DSG1: variants seen among roughly 807,000 people sequenced by gnomAD.
DSG1 encodes the protein desmoglein 1, also known as desmoglein-1.
A neutral mutation model predicts 97.5 loss-of-function variants in DSG1; 39 were observed. That is an observed-to-expected ratio of 0.40 (90% CI 0.31 to 0.52). DSG1 has a LOEUF of 0.52. DSG1 is among the 20% of genes least tolerant of loss of function. The pLI is 0.53. For synonymous variants in DSG1, 475 were observed against 443.4 expected (o/e 1.07, Z -0.90); for missense variants, 1,311 against 1,295.4 (o/e 1.01, Z -0.18).
At chr18:31,340,064 A>G (rs2071779493) in intron 11 of DSG1, 39 bp downstream of exon 11, 8 of 1,590,220 alleles carry the variant, frequency 5.0e-6, no homozygotes, top group Non-Finnish European at 6.9e-6. Context: ...GTGTCCCCCA[A>G]AAAATGCTGG....
At position 31,344,238 on chromosome 18, in the gene DSG1, A is replaced by T. The variant is rs9948589; in HGVS notation, c.1891+243A>T. Among the ~76,000 whole-genome samples, 71,377 of 151,894 alleles carry T rather than the reference A, an allele frequency of 0.47. 17,454 individuals carry two copies. The highest frequency in any genetic ancestry group is 0.54 in the South Asian group (2,622 of 4,824). ...GTACTTAGAAGATGTCCAAATTAGG[A>T]TCTCTATATATGCAGAAGTACTGAA... On this transcript the variant is annotated intron_variant, in intron 13 of 14. Coordinates refer to ENST00000257192, the MANE Select transcript of DSG1 (RefSeq NM_001942.4).
rs545582060 is a variant in DSG1, at chr18:31,335,963, A to G, written c.1006-391A>G. Among the ~76,000 whole-genome samples, 12 of 152,006 alleles carry G rather than the reference A, an allele frequency of 7.9e-5. No homozygotes were observed. In the South Asian group the frequency reaches 2.5e-3, roughly 31 times the overall value. On this transcript the variant is annotated intron_variant, in intron 8 of 14. Transcript: ENST00000257192. ...ACTCAAATGATTGAAACTCTAGTAT[A>G]TTTGACCCATACTGTGTAATAAATA...
chr18:31,341,855 C>T (rs1328506521), intron 11 of DSG1, among the ~76,000 whole-genome samples: 1 of 152,082 alleles, frequency 6.6e-6, no homozygotes, highest in Non-Finnish European at 1.5e-5. Context: ...TGCTCATTAT[C>T]ACTACTGTAA....
chr18:31,330,798 T>G (rs572645356), intron 5 of DSG1, among the ~76,000 whole-genome samples: 77 of 152,238 alleles, frequency 5.1e-4, no homozygotes, highest in African/African-American at 1.7e-3. Context: ...TATTTCCATA[T>G]CAGGACACAT....
intron 14 of DSG1, chr18:31,353,976 C>G: frequency 3.1e-6 from 1 of 324,404 alleles, no homozygotes; most frequent in Non-Finnish European, 5.8e-6. Context: ...TGTTCCTATT[C>G]GGCCATCTTG....
rs780551228 is a variant in DSG1 at position 31,336,439 on chromosome 18, A to G, written c.1091A>G (p.Gln364Arg). Residue 364 changes from glutamine to arginine, a missense_variant, in exon 9 of 15, where the codon CAA becomes CGA. Gln to Arg is a conservative substitution (Grantham distance 43). This residue lies in a region of DSG1 where 1,038 missense variants were observed against 964.6 expected (regional missense o/e 1.08). Transcript: ENST00000257192. ...KAEFHHSIMSQYKLKASAISV... is the reference protein window; with the variant it reads ...KAEFHHSIMSRYKLKASAISV... Reference sequence around the variant, plus strand: ...GAATTTCATCATTCAATTATGTCTCAATATAAACTGAAAGCATCTGCAATT... The same window carrying G: ...GAATTTCATCATTCAATTATGTCTCGATATAAACTGAAAGCATCTGCAATT... 7 of 1,613,988 alleles carry G rather than the reference A, an allele frequency of 4.3e-6. No homozygotes were observed. In the South Asian group the frequency reaches 7.7e-5, roughly 18 times the overall value.
rs761241711 is a variant in DSG1 at position 31,336,524 on chromosome 18, T to C, written c.1176T>C (p.Tyr392=). Residue 392 remains tyrosine (Y), a synonymous_variant, in exon 9 of 15, where the codon TAT becomes TAC. Coordinates refer to ENST00000257192, the MANE Select transcript of DSG1 (RefSeq NM_001942.4). The part of the protein sequence containing the change: ...GPVFRPGSKT[Y]VVTGNMGSND... ...TGTTTCGTCCAGGTTCAAAGACATATGTTGTAACTGGTAATATGGGATCAA... is the reference window on the plus strand; with the variant it reads ...TGTTTCGTCCAGGTTCAAAGACATACGTTGTAACTGGTAATATGGGATCAA... 62 of 1,613,940 alleles carry C rather than the reference T, an allele frequency of 3.8e-5. No individual in the cohort carries two copies. Among genetic ancestry groups the C allele is most frequent in the Non-Finnish European group, 4.2e-6 (5 of 1,179,960 alleles).
intron 10 of DSG1, among the ~76,000 whole-genome samples, chr18:31,339,326 A>G (rs561531956): frequency 6.6e-6 from 1 of 152,280 alleles, no homozygotes; most frequent in Admixed American, 6.5e-5. Flanking sequence ...CATCAATGTA[A>G]CATAAATAAT....
Position 31,346,028 on chromosome 18 carries a change from G to T in DSG1, c.1930G>T (p.Asp644Tyr), listed in dbSNP as rs755998870. Residue 644 changes from aspartate to tyrosine, a missense_variant, in exon 14 of 15, where the codon GAT (aspartate) becomes TAT (tyrosine). Asp to Tyr is a radical substitution (Grantham distance 160). Coordinates refer to ENST00000257192, the MANE Select transcript of DSG1 (RefSeq NM_001942.4). ...TNEYGGREMQ[D>Y]LGGGERMTGF... ...TGAGTATGGTGGCAGAGAAATGCAA[G>T]ATCTGGGAGGAGGAGAGAGAATGAC... 1 of 1,613,924 alleles carries T rather than the reference G, an allele frequency of 6.2e-7. No homozygotes were observed. The highest frequency in any genetic ancestry group is 2.2e-5 in the East Asian group (1 of 44,864).
rs1240242964 is a variant in DSG1 at position 31,339,779 on chromosome 18, A to G, written c.1441A>G (p.Ile481Val). The change falls in exon 11 of 15, where the codon ATT becomes GTT. Residue 481 changes from isoleucine to valine, a missense_variant. Ile to Val is a conservative substitution (Grantham distance 29, BLOSUM62 3). Around this residue, in one of 3 missense-constraint regions of DSG1, gnomAD observed 1,038 missense variants for 964.6 expected, o/e 1.08. Transcript: ENST00000257192. Reference sequence around the variant, plus strand: ...AAGAACTTGCACTGGTACAATTAATATTAACATTCAAAGTTTTGGTAATGA... The same window carrying G: ...AAGAACTTGCACTGGTACAATTAATGTTAACATTCAAAGTTTTGGTAATGA... Reference protein sequence around the residue: ...LQRTCTGTININIQSFGNDDR... With the variant: ...LQRTCTGTINVNIQSFGNDDR... 1.3e-5 allele frequency: 21 copies of G among 1,612,564 alleles called. No homozygotes were observed. Among genetic ancestry groups the G allele is most frequent in the Non-Finnish European group, 1.6e-5 (19 of 1,178,764 alleles).
In DSG1 at chr18:31,355,732, T is replaced by C. The variant is rs2071951304; in HGVS notation, c.*386T>C. The C allele has an allele frequency of 5.0e-6, 1 of 199,506 alleles. No individual in the cohort carries two copies. Among genetic ancestry groups the C allele is most frequent in the Non-Finnish European group, 1.0e-5 (1 of 96,214 alleles). The allele number at this position is 199,506 out of a possible 1,614,324, so 12.4% of individuals were successfully genotyped here. A position where few individuals can be genotyped will look rare whatever the true frequency, so the allele number is the denominator to read the frequency against. ...ACTAAATATGCAATATATGTTCATA[T>C]CTATGGGAAAAATCTAAAATGTGTG... On this transcript the variant is annotated 3_prime_UTR_variant, in exon 15 of 15. Transcript: ENST00000257192.
Position 31,346,145 on chromosome 18 carries a change from GA to G in DSG1, c.2049del (p.Glu683AspfsTer7). The G allele has an allele frequency of 6.2e-7, 1 of 1,613,914 alleles. No homozygotes were observed. The highest frequency in any genetic ancestry group is 8.5e-7 in the Non-Finnish European group (1 of 1,179,842). On this transcript the variant is annotated frameshift_variant, in exon 14 of 15. Transcript: ENST00000257192. LOFTEE classifies it high-confidence loss of function. ...SGTLRRNSMR[E>X]CREGGLNMNF... ...AACATTAAGAAGAAATTCTATGAGG[GA>G]ATGTAGAGAAGGAGGTCTGAATATG... is the stretch of plus-strand genomic sequence containing the variant.
At chr18:31,348,355 A>G (rs938729489) in intron 14 of DSG1, among the ~76,000 whole-genome samples, 2 of 151,806 alleles carry the variant, frequency 1.3e-5, no homozygotes, top group African/African-American at 4.9e-5. Flanking sequence ...CATTTTCTTA[A>G]TCCAGTCTAC....
Position 31,326,946 on chromosome 18 carries a change from A to G in DSG1, c.157A>G (p.Lys53Glu). Residue 53 changes from lysine to glutamate, a missense_variant, in exon 3 of 15, where the codon AAG becomes GAG. Physicochemically the swap from Lys to Glu is moderately conservative, Grantham distance 56. Transcript: ENST00000257192. ...SIRRQKREWI[K>E]FAAACREGED... ...CCGAAGGCAGAAACGTGAATGGATC[A>G]AGTTCGCAGCAGCCTGTCGTGAAGG... is the stretch of plus-strand genomic sequence containing the variant. 1 of 1,614,044 alleles carries G rather than the reference A, an allele frequency of 6.2e-7. No individual in the cohort carries two copies. Among genetic ancestry groups the G allele is most frequent in the South Asian group, 1.1e-5 (1 of 91,080 alleles).
At position 31,356,014 on chromosome 18, in the gene DSG1, T is replaced by A. The variant is rs1274137301; in HGVS notation, c.*668T>A. The A allele has an allele frequency of 6.5e-6, 1 of 152,796 alleles. No homozygotes were observed. The highest frequency in any genetic ancestry group is 1.5e-5 in the Non-Finnish European group (1 of 68,542). The allele number at this position is 152,796 out of a possible 1,614,324, so 9.5% of individuals were successfully genotyped here. A position where few individuals can be genotyped will look rare whatever the true frequency, so the allele number is the denominator to read the frequency against. ...AGCAATGCCTGAGCCTGAACCTTAA[T>A]GTGGGGCCTCAGTTAAATCTCCTGT... On this transcript the variant is annotated 3_prime_UTR_variant, in exon 15 of 15. Coordinates refer to ENST00000257192, the MANE Select transcript of DSG1 (RefSeq NM_001942.4).
intron 11 of DSG1, among the ~76,000 whole-genome samples, chr18:31,340,898 A>G (rs999102610): frequency 2.6e-5 from 4 of 152,218 alleles, no homozygotes; most frequent in African/African-American, 9.6e-5. Context: ...TCTAAGCCTA[A>G]TCGTCTGAGT....
At chr18:31,326,113 G>A (rs1187267948) in intron 1 of DSG1, among the ~76,000 whole-genome samples, 12 of 151,588 alleles carry the variant, frequency 7.9e-5, no homozygotes, top group Admixed American at 7.9e-4. Context: ...ATTATCTATT[G>A]TGGCAATTTT....
chr18:31,354,115 T>A, intron 14 of DSG1, 182 bp from the exon 15 acceptor site: 1 of 613,292 alleles, frequency 1.6e-6, no homozygotes, highest in Non-Finnish European at 2.8e-6. Context: ...TAAAATGATT[T>A]CTAACCAAAT....
chr18:31,319,144 T>C (rs2071638280), intron 1 of DSG1, among the ~76,000 whole-genome samples: 1 of 152,230 alleles, frequency 6.6e-6, no homozygotes, highest in African/African-American at 2.4e-5. Context: ...GTTTTCTTGC[T>C]GTAGAGATAA....
Sources: allele counts gnomAD v4.1 joint callset (sites outside exome capture counted in the v4.1 genomes callset), GRCh38; gene constraint gnomAD v4.1.1; regional missense constraint gnomAD v4.1.1; transcripts MANE v1.5; gene names NCBI Gene and HGNC (gene_info 2026-07-23, HGNC 2026-07-21).